The following TMC2 variants were observed in gnomAD, a reference collection of about 807,000 sequenced individuals.
TMC2 encodes the protein transmembrane channel like 2.
In TMC2, 102 loss-of-function variants were observed where a neutral mutation model predicts 105.9. That is an observed-to-expected ratio of 0.96 (90% CI 0.82 to 1.14). TMC2 has a LOEUF of 1.14. Among genes scored for constraint, TMC2 ranks in the 50% most tolerant of loss-of-function variants. TMC2 has a pLI of 0.00. For synonymous variants in TMC2, 402 were observed against 422.8 expected, an observed-to-expected ratio of 0.95 and a Z score of 0.60; for missense variants, 1,093 against 1,134.3, an observed-to-expected ratio of 0.96 and a Z score of 0.52.
rs62195080 is a variant in TMC2 at position 2,592,853 on chromosome 20, A to T, written c.933+445A>T. Among the ~76,000 whole-genome samples the T allele has an allele frequency of 1.2e-3, 178 of 152,162 alleles. No individual in the cohort carries two copies. Among genetic ancestry groups the T allele is most frequent in the Non-Finnish European group, 2.2e-3 (147 of 67,992 alleles). On this transcript the variant is annotated intron_variant, in intron 8 of 19. Coordinates refer to ENST00000358864, the MANE Select transcript of TMC2 (RefSeq NM_080751.3). This position sits in a 1 kb window ranked among gnomAD's most constrained non-coding sequence, Gnocchi z 4.9. ...TTTTCCCAGCTCCTTTATTGGAATC[A>T]CCATTCATCCAATCATCCATGTCTG...
intron 9 of TMC2, among the ~76,000 whole-genome samples, chr20:2,595,192 G>T (rs1008777338): frequency 6.6e-6 from 1 of 152,198 alleles, no homozygotes. Context: ...GGCTGAGAAC[G>T]CCAGCCATGC....
chr20:2,610,371 A>T (rs1157221532), intron 11 of TMC2, 48 bp from the exon 12 acceptor site: 1 of 1,539,938 alleles, frequency 6.5e-7, no homozygotes, highest in Non-Finnish European at 8.8e-7. Flanking sequence ...ATGGCAGCCA[A>T]ACAAGTATAA....
At chr20:2,585,743 T>C (rs1217936436) in intron 7 of TMC2, among the ~76,000 whole-genome samples, 1 of 152,230 alleles carries the variant, frequency 6.6e-6, no homozygotes, top group Non-Finnish European at 1.5e-5. Flanking sequence ...GCCAGAGACA[T>C]CAGTTTCTTA....
At chr20:2,593,127 G>A (rs1295530356) in intron 8 of TMC2, among the ~76,000 whole-genome samples, 3 of 152,180 alleles carry the variant, frequency 2.0e-5, no homozygotes, top group Non-Finnish European at 4.4e-5. Context: ...GGAAGGCAAA[G>A]GGGAAGCAAG....
intron 7 of TMC2, 56 bp downstream of exon 7, chr20:2,580,112 A>G (rs1456306908): frequency 9.5e-7 from 1 of 1,056,886 alleles, no homozygotes; most frequent in African/African-American, 1.6e-5. Flanking sequence ...GACCACCGTC[A>G]TCAATTATCA....
At chr20:2,553,960 C>T (rs1273718586) in intron 2 of TMC2, among the ~76,000 whole-genome samples, 1 of 152,204 alleles carries the variant, frequency 6.6e-6, no homozygotes, top group African/African-American at 2.4e-5. Context: ...TCTCAGCTCA[C>T]TGCAACCTCT....
chr20:2,622,660 G>A (rs2422803), intron 16 of TMC2, among the ~76,000 whole-genome samples: 88,950 of 151,270 alleles, frequency 0.59, 27,509 homozygotes, highest in Admixed American at 0.68. Flanking sequence ...CAGCCTGGAC[G>A]ACAGAGAGAG....
chr20:2,616,259 A>C lies in TMC2; in HGVS notation c.1940+55A>C, dbSNP rs1490207715. 42 of 1,469,012 alleles carry C rather than the reference A, an allele frequency of 2.9e-5. No individual in the cohort carries two copies. Among genetic ancestry groups the C allele is most frequent in the Non-Finnish European group, 4.0e-5 (42 of 1,048,422 alleles). 91.0% of individuals were successfully genotyped at this position (1,469,012 alleles called of 1,614,324 possible). A position where few individuals can be genotyped will look rare whatever the true frequency, so the allele number is the denominator to read the frequency against. On this transcript the variant is annotated intron_variant, in intron 15 of 19. Coordinates refer to ENST00000358864, the MANE Select transcript of TMC2 (RefSeq NM_080751.3). The surrounding 1 kb of genome is among the most constrained non-coding windows in gnomAD (Gnocchi z 4.8). ...CTCATCCAAGGAGTCAAAAAACTGGAATCCCAGACTTTGCAACTTAACTAG... is the reference window on the plus strand; with the variant it reads ...CTCATCCAAGGAGTCAAAAAACTGGCATCCCAGACTTTGCAACTTAACTAG...
At chr20:2,549,519 G>A (rs544417740) in intron 2 of TMC2, among the ~76,000 whole-genome samples, 47 of 152,250 alleles carry the variant, frequency 3.1e-4, no homozygotes, top group African/African-American at 1.1e-3. Flanking sequence ...AAGGCGGGCG[G>A]ATCACTTGAG....
chr20:2,600,056 G>C (rs973978677), intron 10 of TMC2, among the ~76,000 whole-genome samples: 1 of 152,166 alleles, frequency 6.6e-6, no homozygotes, highest in Non-Finnish European at 1.5e-5. Flanking sequence ...TACAGCAATG[G>C]GGGGCTTATG....
chr20:2,580,153 G>T (rs1422668184), intron 7 of TMC2, 97 bp downstream of exon 7: 5 of 668,070 alleles, frequency 7.5e-6, no homozygotes, highest in South Asian at 7.5e-5. Context: ...CAAAGAATCA[G>T]TCATTCATTT....
intron 2 of TMC2, among the ~76,000 whole-genome samples, chr20:2,539,569 T>C (rs1480193996): frequency 6.6e-6 from 1 of 152,188 alleles, no homozygotes; most frequent in African/African-American, 2.4e-5. Flanking sequence ...CTGATCTTTA[T>C]GGGACCCCAG....
intron 2 of TMC2, among the ~76,000 whole-genome samples, chr20:2,538,583 G>C (rs536577669): frequency 6.6e-6 from 1 of 152,260 alleles, no homozygotes; most frequent in African/African-American, 2.4e-5. Flanking sequence ...GCCTCCCTCT[G>C]CCTCTGCTGC....
chr20:2,630,651 T>C (rs2086596824), intron 17 of TMC2, among the ~76,000 whole-genome samples: 1 of 152,086 alleles, frequency 6.6e-6, no homozygotes, highest in African/African-American at 2.4e-5. Context: ...GCAAGACCCA[T>C]CTCTACAAAA....
At chr20:2,622,682 A>G (rs894845806) in intron 16 of TMC2, among the ~76,000 whole-genome samples, 3 of 151,064 alleles carry the variant, frequency 2.0e-5, no homozygotes, top group African/African-American at 7.3e-5. Context: ...CTCTGTCTCA[A>G]AAAAAAAAGA....
intron 2 of TMC2, among the ~76,000 whole-genome samples, chr20:2,540,747 A>G (rs1267914357): frequency 1.3e-5 from 2 of 152,004 alleles, no homozygotes; most frequent in African/African-American, 4.8e-5. Context: ...AAGTGAAGCA[A>G]TCACAGCCAG....
At chr20:2,564,803 T>C (rs2086052931) in intron 4 of TMC2, among the ~76,000 whole-genome samples, 1 of 152,202 alleles carries the variant, frequency 6.6e-6, no homozygotes, top group African/African-American at 2.4e-5. Context: ...CCTCTCTCAC[T>C]GGAGTGGGCC....
chr20:2,580,995 C>T (rs2086185207), intron 7 of TMC2, among the ~76,000 whole-genome samples: 1 of 152,150 alleles, frequency 6.6e-6, no homozygotes, highest in Non-Finnish European at 1.5e-5. Context: ...GTGCTGGGTA[C>T]ACAAGTGGGT....
chr20:2,572,356 G>A (rs1432782408), intron 5 of TMC2, 87 bp downstream of exon 5: 26 of 1,012,084 alleles, frequency 2.6e-5, no homozygotes, highest in Non-Finnish European at 3.7e-5. Context: ...GCCCAGCTTC[G>A]CCATTTGTGT....
Sources: allele counts gnomAD v4.1 joint callset (sites outside exome capture counted in the v4.1 genomes callset), GRCh38; gene constraint gnomAD v4.1.1; non-coding constraint Gnocchi (gnomAD v3.1); transcripts MANE v1.5; gene names NCBI Gene and HGNC (gene_info 2026-07-23, HGNC 2026-07-21).